Variants in IQCK observed in about 807,000 individuals in gnomAD.
IQCK encodes the protein IQ domain-containing protein K.
In IQCK, 29 loss-of-function variants were observed where a neutral mutation model predicts 28.1. The ratio of observed to expected loss-of-function variants is 1.03; its 90% CI spans 0.77 to 1.41. The LOEUF (loss-of-function observed/expected upper bound fraction) is 1.41, where lower values mean the gene tolerates loss of function less well. Among genes scored for constraint, IQCK ranks in the 40% most tolerant of loss-of-function variants. IQCK has a pLI of 0.00. For missense variants in IQCK, 359 were observed against 314.7 expected, an observed-to-expected ratio of 1.14 and a Z score of -1.07; for synonymous variants, 113 against 115.1, an observed-to-expected ratio of 0.98 and a Z score of 0.12.
chr16:19,749,589 C>T (rs556224481), intron 4 of IQCK, among the ~76,000 whole-genome samples: 5 of 152,022 alleles, frequency 3.3e-5, no homozygotes, highest in African/African-American at 7.2e-5. Flanking sequence ...GGTGAAACCC[C>T]GTCTCTACAA....
chr16:19,808,617 A>G (rs980735885), intron 7 of IQCK, among the ~76,000 whole-genome samples: 3 of 152,210 alleles, frequency 2.0e-5, no homozygotes, highest in Non-Finnish European at 2.9e-5. Flanking sequence ...AGAAACCTGT[A>G]TATTAGCAGG....
At chr16:19,806,791 T>C (rs2074627487) in intron 7 of IQCK, among the ~76,000 whole-genome samples, 1 of 146,800 alleles carries the variant, frequency 6.8e-6, no homozygotes, top group Non-Finnish European at 1.5e-5. Context: ...GGACAGATCT[T>C]GTAGAATCAA....
intron 4 of IQCK, among the ~76,000 whole-genome samples, chr16:19,738,574 C>T (rs113019783): frequency 1.6e-4 from 25 of 152,302 alleles, no homozygotes; most frequent in African/African-American, 5.8e-4. Flanking sequence ...TCTTTCTGAG[C>T]CATTATCACT....
At chr16:19,821,909 A>G (rs2056076244) in intron 7 of IQCK, among the ~76,000 whole-genome samples, 1 of 151,900 alleles carries the variant, frequency 6.6e-6, no homozygotes, top group Admixed American at 6.6e-5. Context: ...CTTTGTCTCT[A>G]CAAAAACAAA....
In IQCK at chr16:19,721,063, T is replaced by A. The variant is rs530155097; in HGVS notation, c.181+2576T>A. On this transcript the variant is annotated intron_variant, in intron 1 of 7. Coordinates refer to ENST00000564186, the Ensembl canonical transcript of IQCK. The stretch of plus-strand genomic sequence containing the variant: ...GGTCAACATTGGCAAACTATACACA[T>A]GGACACTGTGATGAGTATTATAACA... Among the ~76,000 whole-genome samples, 5 of 151,202 alleles carry A rather than the reference T, an allele frequency of 3.3e-5. No homozygotes were observed. In the South Asian group the frequency reaches 1.0e-3, roughly 32 times the overall value.
intron 6 of IQCK, among the ~76,000 whole-genome samples, chr16:19,778,436 G>A (rs2055427843): frequency 6.6e-6 from 1 of 152,032 alleles, no homozygotes; most frequent in Non-Finnish European, 1.5e-5. Flanking sequence ...CGGGAGGATT[G>A]CTTAGGGTTA....
chr16:19,832,636 A>T (rs2056246190), intron 9 of IQCK, among the ~76,000 whole-genome samples: 1 of 152,208 alleles, frequency 6.6e-6, no homozygotes, highest in Non-Finnish European at 1.5e-5. Context: ...AAGGTGTGCA[A>T]CATGATGATT....
rs564021446 is a variant in IQCK at position 19,786,799 on chromosome 16, G to A, written c.606-2039G>A. On this transcript the variant is annotated intron_variant, in intron 6 of 7. Coordinates refer to ENST00000564186, the Ensembl canonical transcript of IQCK. ...GAATCACCTAGAAAAGAAAGAAAGAGAGAGAGAGAGAGAGAAGGGAGGGAG... is the reference window on the plus strand; with the variant it reads ...GAATCACCTAGAAAAGAAAGAAAGAAAGAGAGAGAGAGAGAAGGGAGGGAG... Among the ~76,000 whole-genome samples the A allele has an allele frequency of 8.6e-5, 8 of 92,632 alleles. 1 individual carries two copies. In the South Asian group the frequency reaches 2.7e-3, roughly 31 times the overall value. The allele number at this position is 92,632 out of a possible 152,430, so 60.8% of individuals were successfully genotyped here. A position where few individuals can be genotyped will look rare whatever the true frequency, so the allele number is the denominator to read the frequency against.
In IQCK at chr16:19,834,203, C is replaced by T. The variant is rs913578963; in HGVS notation, c.802+7066C>T. On this transcript the variant is annotated intron_variant, in intron 9 of 9. Transcript: ENST00000320394. ...TCTGCAACTAAGGAGTAGCTACGAG[C>T]GATGGAGCTTATGCCATGTGCCAGA... 3.3e-5 allele frequency among the ~76,000 whole-genome samples: 5 copies of T among 152,160 alleles called. No homozygotes were observed. In the East Asian group the frequency reaches 5.8e-4, roughly 18 times the overall value.
chr16:19,778,332 GC>G (rs1343897553), intron 6 of IQCK, among the ~76,000 whole-genome samples: 2 of 152,060 alleles, frequency 1.3e-5, no homozygotes, highest in African/African-American at 4.8e-5. Flanking sequence ...CTCCCTGTGG[GC>G]CTTCTGTGGG....
chr16:19,767,834 G>A (rs903204155), intron 6 of IQCK, among the ~76,000 whole-genome samples: 2 of 151,642 alleles, frequency 1.3e-5, no homozygotes, highest in Non-Finnish European at 2.9e-5. Flanking sequence ...CTGTATCAGT[G>A]GTACCACTGC....
intron 7 of IQCK, among the ~76,000 whole-genome samples, chr16:19,799,250 G>A (rs1287107631): frequency 2.0e-5 from 2 of 101,288 alleles, no homozygotes; most frequent in Non-Finnish European, 3.4e-5. Context: ...TTCTTCTATG[G>A]TATATATATA....
exon 5 of IQCK, chr16:19,763,886 T>C (rs2151710219): frequency 6.2e-7 from 1 of 1,613,896 alleles, no homozygotes; most frequent in Non-Finnish European, 8.5e-7. Flanking sequence ...ATTTTCTGAC[T>C]GAGTGGTTAT....
At chr16:19,718,466 C>A (rs1401726886) in exon 1 of IQCK, 1 of 1,607,228 alleles carries the variant, frequency 6.2e-7, no homozygotes, top group South Asian at 1.1e-5. Flanking sequence ...AAGCAAGAAT[C>A]TGTGGGAGCA....
intron 9 of IQCK, among the ~76,000 whole-genome samples, chr16:19,852,407 TAACAAACAAACAAACA>T (rs71146277): frequency 6.6e-6 from 1 of 151,424 alleles, no homozygotes; most frequent in Non-Finnish European, 1.5e-5. Context: ...CTACAACATT[TAACAAACAAACAAACA>T]AACAAACAAA....
At position 19,763,912 on chromosome 16, in the gene IQCK, G is replaced by A. The variant is rs370868954; in HGVS notation, c.527+12G>A. ...GAGTGGTTATACAAGTAAGTTGTTC[G>A]TGTCTGACTATTCAGTGATCCTAAG... On this transcript the variant is annotated intron_variant, in intron 5 of 7. Coordinates refer to ENST00000564186, the Ensembl canonical transcript of IQCK. 38 of 1,612,036 alleles carry A rather than the reference G, an allele frequency of 2.4e-5. No homozygotes were observed. Among genetic ancestry groups the A allele is most frequent in the Non-Finnish European group, 2.9e-5 (34 of 1,178,202 alleles).
At chr16:19,832,449 A>G (rs936439075) in intron 9 of IQCK, among the ~76,000 whole-genome samples, 1 of 152,120 alleles carries the variant, frequency 6.6e-6, no homozygotes, top group Admixed American at 6.6e-5. Flanking sequence ...TTTATTTCCT[A>G]CTTCATTCCA....
At chr16:19,740,598 A>C (rs752700242) in intron 4 of IQCK, among the ~76,000 whole-genome samples, 1 of 152,124 alleles carries the variant, frequency 6.6e-6, no homozygotes, top group Non-Finnish European at 1.5e-5. Context: ...GTGTCTTTTT[A>C]TTCGATTGAA....
Position 19,733,831 on chromosome 16 carries a change from A to C in IQCK, c.376+4A>C. 6.2e-7 allele frequency: 1 copy of C among 1,613,910 alleles called. No individual in the cohort carries two copies. The highest frequency in any genetic ancestry group is 1.1e-5 in the South Asian group (1 of 90,998). On this transcript the variant is annotated splice_donor_region_variant and intron_variant, in intron 3 of 7. Coordinates refer to ENST00000564186, the Ensembl canonical transcript of IQCK. ...GAAACAATCAACCCAAAAACATGTG[A>C]GTAAGAGAGATGCCATCTTTTATAA... is the stretch of plus-strand genomic sequence containing the variant.
Sources: allele counts gnomAD v4.1 joint callset (sites outside exome capture counted in the v4.1 genomes callset), GRCh38; gene constraint gnomAD v4.1.1; transcripts MANE v1.5; gene names NCBI Gene and HGNC (gene_info 2026-07-23, HGNC 2026-07-21).